The following PCDHGA1 variants were observed in gnomAD, a reference collection of about 807,000 sequenced individuals.
The protein encoded by PCDHGA1 is protocadherin gamma-A1.
Under a neutral mutation model 58.0 loss-of-function variants are expected in PCDHGA1, and 32 were observed. That is an observed-to-expected ratio of 0.55 (90% CI 0.42 to 0.74). The LOEUF is 0.74. Ranked by LOEUF, PCDHGA1 falls within the 30% of genes least tolerant of loss-of-function variation. The probability of loss-of-function intolerance (pLI) is 0.00; values close to 1 mark genes in which losing one functional copy is unlikely to be tolerated. For synonymous variants in PCDHGA1, 498 were observed against 501.1 expected (o/e 0.99, Z 0.08); for missense variants, 1,205 against 1,182.3 (o/e 1.02, Z -0.28).
chr5:141,353,931 C>T lies in PCDHGA1; in HGVS notation c.2421+20826C>T, dbSNP rs192622992. On this transcript the variant is annotated intron_variant, in intron 1 of 3. Transcript: ENST00000517417. ...TGCCCTTTTGTATGAGTCATTTCTA[C>T]TGCTAATTGTTAAGTGAGGAATAAG... Among the ~76,000 whole-genome samples the T allele has an allele frequency of 8.7e-4, 133 of 152,336 alleles. 1 individual carries two copies. The highest frequency in any genetic ancestry group is 3.1e-3 in the African/African-American group (128 of 41,572).
Position 141,332,370 on chromosome 5 carries a change from C to T in PCDHGA1, c.1686C>T (p.Ile562=). The change falls in exon 1 of 4, where the codon ATC becomes ATT. Residue 562 remains isoleucine (I), a synonymous_variant. Transcript: ENST00000517417. This position sits in a 1 kb window ranked among gnomAD's most constrained non-coding sequence, Gnocchi z 4.6. The part of the protein sequence containing the change: ...LLDQNDNAPE[I]LYPALPTDGS... Reference sequence around the variant, plus strand: ...ACCAGAACGACAACGCGCCCGAGATCCTGTACCCCGCCCTCCCCACAGATG... The same window carrying T: ...ACCAGAACGACAACGCGCCCGAGATTCTGTACCCCGCCCTCCCCACAGATG... The T allele has an allele frequency of 6.2e-7, 1 of 1,614,260 alleles. No homozygotes were observed. Among genetic ancestry groups the T allele is most frequent in the Non-Finnish European group, 8.5e-7 (1 of 1,180,054 alleles).
At chr5:141,371,954 C>A in intron 1 of PCDHGA1, 1 of 1,613,274 alleles carries the variant, frequency 6.2e-7, no homozygotes, top group Non-Finnish European at 8.5e-7. Flanking sequence ...AGCGAGCCTT[C>A]GACCACGAGC....
At chr5:141,366,324 C>G in intron 1 of PCDHGA1, 1 of 1,613,838 alleles carries the variant, frequency 6.2e-7, no homozygotes, top group Non-Finnish European at 8.5e-7. Context: ...GTTGCCGTGG[C>G]CGACAGGATC....
chr5:141,361,508 T>A (rs1762052738), intron 1 of PCDHGA1: 1 of 1,613,910 alleles, frequency 6.2e-7, no homozygotes, highest in Admixed American at 1.7e-5. Context: ...ACTTCCTACA[T>A]GGTTCACGTG....
intron 1 of PCDHGA1, chr5:141,398,744 G>C (rs1561665852): frequency 1.2e-6 from 2 of 1,613,854 alleles, no homozygotes; most frequent in East Asian, 4.5e-5. Flanking sequence ...GAACAACAGA[G>C]TTACCATCGT....
intron 1 of PCDHGA1, chr5:141,377,510 T>C (rs990813838): frequency 6.6e-6 from 1 of 152,006 alleles, no homozygotes; most frequent in African/African-American, 2.4e-5. Context: ...ATAGGAGGAT[T>C]GCTTAAGTCC....
At chr5:141,469,362 G>GT (rs1212141268) in intron 1 of PCDHGA1, among the ~76,000 whole-genome samples, 4 of 152,084 alleles carry the variant, frequency 2.6e-5, no homozygotes, top group Non-Finnish European at 5.9e-5. Flanking sequence ...GGATCATGAG[G>GT]TAAAGAGATC....
chr5:141,471,042 C>G (rs2099247416), intron 1 of PCDHGA1, among the ~76,000 whole-genome samples: 1 of 139,088 alleles, frequency 7.2e-6, no homozygotes, highest in South Asian at 2.3e-4. Flanking sequence ...CAAGCCCAAG[C>G]CCTCTTTTTT....
intron 1 of PCDHGA1, among the ~76,000 whole-genome samples, chr5:141,454,796 A>ATTTTTTTTTTTTTTTTTTTTTT (rs61612330): frequency 5.2e-5 from 4 of 77,456 alleles, no homozygotes; most frequent in Non-Finnish European, 7.0e-5. Context: ...CATGGTTCTA[A>ATTTTTTTTTTTTTTTTTTTTTT]TTTTTTTTTT....
chr5:141,355,619 T>C, intron 1 of PCDHGA1: 3 of 1,613,950 alleles, frequency 1.9e-6, no homozygotes, highest in Non-Finnish European at 1.7e-6. Context: ...CAGAGGGAAA[T>C]AAAAGTTGCT....
At chr5:141,463,176 C>T (rs989201395) in intron 1 of PCDHGA1, among the ~76,000 whole-genome samples, 2 of 152,100 alleles carry the variant, frequency 1.3e-5, no homozygotes, top group African/African-American at 4.8e-5. Context: ...TATGTATGCT[C>T]AGATTATTAT....
At chr5:141,336,898 G>A (rs1037584368) in intron 1 of PCDHGA1, among the ~76,000 whole-genome samples, 1 of 152,134 alleles carries the variant, frequency 6.6e-6, no homozygotes, top group Non-Finnish European at 1.5e-5. Flanking sequence ...TCTGAGAATG[G>A]ATATCCAGAA....
intron 1 of PCDHGA1, chr5:141,375,626 T>C (rs1370159999): frequency 6.2e-7 from 1 of 1,614,202 alleles, no homozygotes; most frequent in South Asian, 1.1e-5. Context: ...TGGGATTCTG[T>C]ACGCCCTGCG....
chr5:141,395,119 T>C, intron 1 of PCDHGA1: 1 of 1,614,182 alleles, frequency 6.2e-7, no homozygotes. Flanking sequence ...AGTCACCTGA[T>C]CTTTCCCCAG....
intron 1 of PCDHGA1, among the ~76,000 whole-genome samples, chr5:141,425,605 A>G (rs1229246680): frequency 6.6e-6 from 1 of 152,230 alleles, no homozygotes; most frequent in Non-Finnish European, 1.5e-5. Context: ...TGCCCTATAT[A>G]GCTTTCAGTG....
In PCDHGA1 at chr5:141,490,601, T is replaced by C. The variant is rs777393370; in HGVS notation, c.2422-4206T>C. 1 of 1,614,176 alleles carries C rather than the reference T, an allele frequency of 6.2e-7. No homozygotes were observed. The highest frequency in any genetic ancestry group is 8.5e-7 in the Non-Finnish European group (1 of 1,180,030). ...GATGTCAATGACAATGCACCCCGCTTCAACCAGCAGCTTTACACTGCTTAC... is the reference window on the plus strand; with the variant it reads ...GATGTCAATGACAATGCACCCCGCTCCAACCAGCAGCTTTACACTGCTTAC... On this transcript the variant is annotated intron_variant, in intron 1 of 3. Transcript: ENST00000517417. This position sits in a 1 kb window ranked among gnomAD's most constrained non-coding sequence, Gnocchi z 5.4.
chr5:141,488,677 G>A (rs2099678276), intron 1 of PCDHGA1, among the ~76,000 whole-genome samples: 2 of 152,184 alleles, frequency 1.3e-5, no homozygotes, highest in African/African-American at 2.4e-5. Context: ...CATGGGCTTT[G>A]CCTCTCCCAG....
intron 1 of PCDHGA1, chr5:141,390,721 T>G (rs1454628810): frequency 5.1e-6 from 1 of 195,622 alleles, no homozygotes; most frequent in African/African-American, 2.4e-5. Context: ...CTTAACTAAT[T>G]TAACTGGTAT....
intron 1 of PCDHGA1, among the ~76,000 whole-genome samples, chr5:141,449,848 T>C (rs7713034): frequency 0.29 from 44,283 of 151,474 alleles, 7,514 homozygotes; most frequent in African/African-American, 0.48. Flanking sequence ...AATTAAATTT[T>C]AATAATAAAA....
Sources: allele counts gnomAD v4.1 joint callset (sites outside exome capture counted in the v4.1 genomes callset), GRCh38; gene constraint gnomAD v4.1.1; non-coding constraint Gnocchi (gnomAD v3.1); transcripts MANE v1.5; gene names NCBI Gene and HGNC (gene_info 2026-07-23, HGNC 2026-07-21).